PITPNC1: variants seen among roughly 807,000 people sequenced by gnomAD.
The protein encoded by PITPNC1 is phosphatidylinositol transfer protein cytoplasmic 1, also known as cytoplasmic phosphatidylinositol transfer protein 1.
In PITPNC1, 18 loss-of-function variants were observed where a neutral mutation model predicts 44.7. The observed-to-expected ratio is 0.40, with a 90% CI of 0.28 to 0.60. The LOEUF (loss-of-function observed/expected upper bound fraction) is 0.60. PITPNC1 is among the 20% of genes least tolerant of loss of function. The pLI, the probability that PITPNC1 is intolerant of heterozygous loss-of-function variation, is 0.39. For missense variants in PITPNC1, 290 were observed against 418.4 expected (o/e 0.69, Z 2.68); for synonymous variants, 141 against 149.6 (o/e 0.94, Z 0.42).
chr17:67,388,333 T>C (rs1169248762), intron 1 of PITPNC1, among the ~76,000 whole-genome samples: 1 of 151,316 alleles, frequency 6.6e-6, no homozygotes, highest in East Asian at 1.9e-4. Context: ...TTCGTGTTTT[T>C]TTTTTTTTTT....
intron 1 of PITPNC1, among the ~76,000 whole-genome samples, chr17:67,415,069 A>T (rs2038567738): frequency 6.6e-6 from 1 of 152,084 alleles, no homozygotes; most frequent in Admixed American, 6.6e-5. Context: ...TTGTGGAGAC[A>T]GGGTTTCATC....
At chr17:67,622,683 C>T (rs1029210589) in intron 5 of PITPNC1, among the ~76,000 whole-genome samples, 1 of 151,778 alleles carries the variant, frequency 6.6e-6, no homozygotes, top group African/African-American at 2.4e-5. Flanking sequence ...AGTTCGAGAC[C>T]AGGCCAACAT....
chr17:67,380,884 C>G (rs907786212), intron 1 of PITPNC1, among the ~76,000 whole-genome samples: 2 of 152,064 alleles, frequency 1.3e-5, no homozygotes, highest in African/African-American at 4.8e-5. Flanking sequence ...AGTGATCCTC[C>G]CATCTCAGCC....
chr17:67,379,250 T>A (rs1473712340), intron 1 of PITPNC1: 4 of 985,512 alleles, frequency 4.1e-6, no homozygotes, highest in Non-Finnish European at 4.8e-6. Context: ...TTAAATCTGG[T>A]GCCTCGAAAC....
intron 2 of PITPNC1, among the ~76,000 whole-genome samples, chr17:67,538,994 C>T (rs1402315376): frequency 2.0e-5 from 3 of 148,292 alleles, no homozygotes; most frequent in African/African-American, 5.0e-5. Context: ...GACAATAATC[C>T]AATCAAAAGA....
chr17:67,405,569 T>C (rs755169031), intron 1 of PITPNC1, among the ~76,000 whole-genome samples: 3 of 152,108 alleles, frequency 2.0e-5, no homozygotes, highest in African/African-American at 4.8e-5. Context: ...ATAAGTAGAA[T>C]GTTACGAGTT....
At chr17:67,412,998 T>TC (rs2038527093) in intron 1 of PITPNC1, among the ~76,000 whole-genome samples, 1 of 152,230 alleles carries the variant, frequency 6.6e-6, no homozygotes, top group Non-Finnish European at 1.5e-5. Flanking sequence ...GATAATACCT[T>TC]CGGTGTTTTT....
intron 8 of PITPNC1, among the ~76,000 whole-genome samples, chr17:67,687,425 T>C (rs1483920833): frequency 1.3e-5 from 2 of 152,054 alleles, no homozygotes; most frequent in African/African-American, 4.8e-5. Flanking sequence ...ACCAAGAACA[T>C]GGAGAGTGGA....
intron 1 of PITPNC1, among the ~76,000 whole-genome samples, chr17:67,517,831 G>A (rs1184771723): frequency 6.6e-6 from 1 of 152,146 alleles, no homozygotes; most frequent in Non-Finnish European, 1.5e-5. Flanking sequence ...GGATAGCGGT[G>A]ATGATTTCAC....
chr17:67,605,810 T>A (rs1006605145), intron 5 of PITPNC1, among the ~76,000 whole-genome samples: 2 of 152,180 alleles, frequency 1.3e-5, no homozygotes, highest in African/African-American at 4.8e-5. Flanking sequence ...TCCTTTTAAG[T>A]CCCAGCACCA....
rs577433229 is a variant in PITPNC1, at chr17:67,507,054, G to T, written c.49-25748G>T. The stretch of plus-strand genomic sequence containing the variant: ...TTCTTGTAATGACATAGACCCACTC[G>T]TTAGGATTGCCAGGAATGGACACAT... On this transcript the variant is annotated intron_variant, in intron 1 of 8. Coordinates refer to ENST00000581322, the MANE Select transcript of PITPNC1 (RefSeq NM_012417.4). 3.9e-5 allele frequency among the ~76,000 whole-genome samples: 6 copies of T among 152,258 alleles called. No individual in the cohort carries two copies. The East Asian group carries it at 1.2e-3, about 29-fold the overall frequency.
chr17:67,417,691 C>T (rs1478422505), intron 1 of PITPNC1, among the ~76,000 whole-genome samples: 8 of 152,166 alleles, frequency 5.3e-5, no homozygotes, highest in Non-Finnish European at 8.8e-5. Context: ...CAGTAGCACA[C>T]CTTTGCAGCT....
At chr17:67,664,929 A>T (rs1016754314) in intron 6 of PITPNC1, among the ~76,000 whole-genome samples, 1 of 151,688 alleles carries the variant, frequency 6.6e-6, no homozygotes, top group Non-Finnish European at 1.5e-5. Context: ...AAGAAGAAGA[A>T]GACTTTGTTT....
intron 1 of PITPNC1, among the ~76,000 whole-genome samples, chr17:67,439,718 TTACA>T (rs2038985499): frequency 6.6e-6 from 1 of 152,246 alleles, no homozygotes; most frequent in Non-Finnish European, 1.5e-5. Context: ...ATCTCTCACC[TTACA>T]TACTTATTTT....
At chr17:67,554,477 C>G (rs565507116) in intron 4 of PITPNC1, among the ~76,000 whole-genome samples, 64 of 152,120 alleles carry the variant, frequency 4.2e-4, no homozygotes, top group African/African-American at 1.5e-3. Context: ...AGGCTGGTCT[C>G]GAACTCCTGA....
At chr17:67,476,139 A>C (rs1332511981) in intron 1 of PITPNC1, among the ~76,000 whole-genome samples, 1 of 151,340 alleles carries the variant, frequency 6.6e-6, no homozygotes, top group Non-Finnish European at 1.5e-5. Flanking sequence ...ACACATCCCC[A>C]CATTTCTGAT....
intron 1 of PITPNC1, among the ~76,000 whole-genome samples, chr17:67,386,498 T>A (rs2038056047): frequency 6.6e-6 from 1 of 152,194 alleles, no homozygotes; most frequent in Admixed American, 6.5e-5. Flanking sequence ...CCGCCTAAAC[T>A]AAATTAATAT....
chr17:67,469,000 A>G (rs1394913754), intron 1 of PITPNC1, among the ~76,000 whole-genome samples: 1 of 152,178 alleles, frequency 6.6e-6, no homozygotes, highest in African/African-American at 2.4e-5. Flanking sequence ...AAGTGTTGCA[A>G]TTACAGGAGT....
chr17:67,420,177 C>A (rs951757824), intron 1 of PITPNC1, among the ~76,000 whole-genome samples: 5 of 152,152 alleles, frequency 3.3e-5, no homozygotes, highest in African/African-American at 1.2e-4. Flanking sequence ...TGAGTCTTTT[C>A]ATGACAAGTT....
Sources: allele counts gnomAD v4.1 joint callset (sites outside exome capture counted in the v4.1 genomes callset), GRCh38; gene constraint gnomAD v4.1.1; transcripts MANE v1.5; gene names NCBI Gene and HGNC (gene_info 2026-07-23, HGNC 2026-07-21).